Variants in UNC5D observed in about 807,000 individuals in gnomAD.
UNC5D encodes netrin receptor UNC5D.
In UNC5D, 39 loss-of-function variants were observed where a neutral mutation model predicts 105.4. That is an observed-to-expected ratio of 0.37 (90% confidence interval 0.29 to 0.48). The LOEUF is 0.48. UNC5D is among the 20% of genes least tolerant of loss of function. The probability of loss-of-function intolerance (pLI) is 0.98; values close to 1 mark genes in which losing one functional copy is unlikely to be tolerated. For missense variants in UNC5D, 991 were observed against 1,202.4 expected, an observed-to-expected ratio of 0.82 and a Z score of 2.60; for synonymous variants, 452 against 450.4, an observed-to-expected ratio of 1.00 and a Z score of -0.04.
chr8:35,465,020 T>A (rs1311487566), intron 1 of UNC5D, among the ~76,000 whole-genome samples: 1 of 152,226 alleles, frequency 6.6e-6, no homozygotes, highest in Non-Finnish European at 1.5e-5. Context: ...CTACTTGGTT[T>A]CCCACCTTGG....
intron 3 of UNC5D, among the ~76,000 whole-genome samples, chr8:35,590,799 C>T (rs962736452): frequency 7.2e-5 from 11 of 152,060 alleles, no homozygotes; most frequent in African/African-American, 2.7e-4. Flanking sequence ...AAGTGGTGGT[C>T]CCAAAATTCA....
At chr8:35,585,864 C>T (rs1361563501) in intron 3 of UNC5D, among the ~76,000 whole-genome samples, 1 of 151,852 alleles carries the variant, frequency 6.6e-6, no homozygotes, top group African/African-American at 2.4e-5. Flanking sequence ...CCTTTAATGC[C>T]AGTTATCACT....
chr8:35,348,232 A>C (rs2128907916), intron 1 of UNC5D, among the ~76,000 whole-genome samples: 1 of 152,036 alleles, frequency 6.6e-6, no homozygotes, highest in South Asian at 2.1e-4. Context: ...TTTTACCAAA[A>C]AAAATTATAT....
intron 4 of UNC5D, among the ~76,000 whole-genome samples, chr8:35,647,015 C>G (rs992024956): frequency 6.6e-6 from 1 of 152,088 alleles, no homozygotes; most frequent in African/African-American, 2.4e-5. Flanking sequence ...ATAGATACAG[C>G]ATTGAGTTCA....
intron 1 of UNC5D, among the ~76,000 whole-genome samples, chr8:35,415,066 C>T (rs1056142812): frequency 5.3e-5 from 8 of 152,034 alleles, no homozygotes; most frequent in African/African-American, 1.9e-4. Context: ...CAAAGAAAGG[C>T]AGGTTGGGTG....
intron 3 of UNC5D, among the ~76,000 whole-genome samples, chr8:35,569,398 C>T (rs74355646): frequency 0.028 from 4,287 of 152,294 alleles, 197 homozygotes; most frequent in African/African-American, 0.098. Flanking sequence ...TGAGAGACTG[C>T]AGCAGATGTT....
chr8:35,632,566 G>T (rs1245886883), intron 4 of UNC5D, among the ~76,000 whole-genome samples: 2 of 152,232 alleles, frequency 1.3e-5, no homozygotes, highest in African/African-American at 2.4e-5. Context: ...TCATCCCTGT[G>T]CTGTTGCTGC....
At chr8:35,504,022 C>CAGG in intron 1 of UNC5D, among the ~76,000 whole-genome samples, 1 of 152,032 alleles carries the variant, frequency 6.6e-6, no homozygotes, top group Admixed American at 6.5e-5. Flanking sequence ...GTTTGGCTGA[C>CAGG]CTTAATTAAC....
In UNC5D at chr8:35,373,973, G is replaced by A. The variant is rs772995463; in HGVS notation, c.103+138086G>A. ...TTATTTCATCTTCAGGGAAGGGAGC[G>A]CAAGGGAGTGAATAATGTAGATTTA... is the stretch of plus-strand genomic sequence containing the variant. On this transcript the variant is annotated intron_variant, in intron 1 of 16. Coordinates refer to ENST00000404895, the MANE Select transcript of UNC5D (RefSeq NM_080872.4). 5.3e-5 allele frequency among the ~76,000 whole-genome samples: 8 copies of A among 152,102 alleles called. No individual in the cohort carries two copies. In the East Asian group the frequency reaches 7.7e-4, roughly 15 times the overall value.
chr8:35,344,707 T>C (rs972629359), intron 1 of UNC5D, among the ~76,000 whole-genome samples: 2 of 152,116 alleles, frequency 1.3e-5, no homozygotes, highest in African/African-American at 4.8e-5. Flanking sequence ...CTGAATCTTT[T>C]GCCTTTTTGA....
intron 1 of UNC5D, among the ~76,000 whole-genome samples, chr8:35,491,051 G>A (rs1336039608): frequency 2.0e-5 from 3 of 151,438 alleles, no homozygotes; most frequent in Admixed American, 1.3e-4. Flanking sequence ...AATAGTCTTG[G>A]GTTATATGCC....
chr8:35,520,208 C>A (rs1298529854), intron 1 of UNC5D, among the ~76,000 whole-genome samples: 2 of 152,080 alleles, frequency 1.3e-5, no homozygotes, highest in Admixed American at 6.6e-5. Flanking sequence ...AATAGCCAGA[C>A]ACGAAATATT....
chr8:35,534,391 C>G (rs981213099), intron 1 of UNC5D, among the ~76,000 whole-genome samples: 2 of 151,936 alleles, frequency 1.3e-5, no homozygotes, highest in Non-Finnish European at 2.9e-5. Context: ...GTGCTTATTT[C>G]TAATTTGCAG....
chr8:35,613,618 G>A (rs1402939992), intron 4 of UNC5D, among the ~76,000 whole-genome samples: 3 of 152,174 alleles, frequency 2.0e-5, no homozygotes, highest in African/African-American at 7.2e-5. Flanking sequence ...AGCACTTTGG[G>A]TGGGTGGGTC....
At chr8:35,389,313 C>T (rs1489082628) in intron 1 of UNC5D, among the ~76,000 whole-genome samples, 2 of 152,124 alleles carry the variant, frequency 1.3e-5, no homozygotes, top group Admixed American at 6.5e-5. Context: ...TCATTGCACT[C>T]ATATTTTAAT....
At chr8:35,752,583 A>G (rs1830338413) in intron 13 of UNC5D, among the ~76,000 whole-genome samples, 1 of 152,184 alleles carries the variant, frequency 6.6e-6, no homozygotes, top group Admixed American at 6.5e-5. Flanking sequence ...GGAATAAGAA[A>G]CTTCAGTGTA....
rs547291816 is a variant in UNC5D, at chr8:35,326,970, A to C, written c.103+91083A>C. On this transcript the variant is annotated intron_variant, in intron 1 of 16. Transcript: ENST00000404895. ...GGTAACATCATATTTAATTTGTTTT[A>C]AGGTTTAGCGGTGGGGAGTTGTTAT... is the stretch of plus-strand genomic sequence containing the variant. Among the ~76,000 whole-genome samples, 12 of 152,288 alleles carry C rather than the reference A, an allele frequency of 7.9e-5. No individual in the cohort carries two copies. In the East Asian group the frequency reaches 2.1e-3, roughly 27 times the overall value.
chr8:35,754,322 A>C (rs1281654629), intron 13 of UNC5D, among the ~76,000 whole-genome samples: 3 of 152,164 alleles, frequency 2.0e-5, no homozygotes, highest in African/African-American at 7.2e-5. Flanking sequence ...TATCCTTATG[A>C]TGATACGTTT....
At chr8:35,750,431 A>G (rs915586636) in intron 12 of UNC5D, 151 bp from the exon 13 acceptor site, 12 of 792,896 alleles carry the variant, frequency 1.5e-5, no homozygotes, top group Non-Finnish European at 2.4e-5. Flanking sequence ...TTTTGATAGA[A>G]GAGGAACAGT....
Sources: allele counts gnomAD v4.1 joint callset (sites outside exome capture counted in the v4.1 genomes callset), GRCh38; gene constraint gnomAD v4.1.1; transcripts MANE v1.5; gene names NCBI Gene and HGNC (gene_info 2026-07-23, HGNC 2026-07-21).